The following USP39 variants were observed in gnomAD, a reference collection of about 807,000 sequenced individuals.
The protein encoded by USP39 is ubiquitin carboxyl-terminal hydrolase 39.
A neutral mutation model predicts 66.4 loss-of-function variants in USP39; 38 were observed. The ratio of observed to expected loss-of-function variants is 0.57; its 90% CI spans 0.44 to 0.75. The LOEUF (loss-of-function observed/expected upper bound fraction) is 0.75. Ranked by LOEUF, USP39 falls within the 30% of genes least tolerant of loss-of-function variation. USP39 has a pLI of 0.00. For missense variants in USP39, 608 were observed against 714.4 expected, an observed-to-expected ratio of 0.85 and a Z score of 1.70; for synonymous variants, 303 against 274.6, an observed-to-expected ratio of 1.10 and a Z score of -1.02.
At position 85,621,588 on chromosome 2, in the gene USP39, G is replaced by T; in HGVS notation, c.433+9G>T. 1.2e-6 allele frequency: 2 copies of T among 1,607,424 alleles called. No individual in the cohort carries two copies. Among genetic ancestry groups the T allele is most frequent in the Non-Finnish European group, 1.7e-6 (2 of 1,176,100 alleles). ...TGGCAAGTACTTTCAAGGTAAATAAGTTGTTAGAGCTAACTGCAGATCTGC... is the reference window on the plus strand; with the variant it reads ...TGGCAAGTACTTTCAAGGTAAATAATTTGTTAGAGCTAACTGCAGATCTGC... On this transcript the variant is annotated intron_variant, in intron 3 of 12. Transcript: ENST00000323701.
chr2:85,625,966 C>T lies in USP39; in HGVS notation c.723+275C>T, dbSNP rs1244016286. ...CCGGGAGGCAGAGGTTATAGTGACC[C>T]GAGATCGCGCCACTGCACTCCAGCC... On this transcript the variant is annotated intron_variant, in intron 5 of 12. Transcript: ENST00000323701. Among the ~76,000 whole-genome samples, 6 of 151,868 alleles carry T rather than the reference C, an allele frequency of 4.0e-5. No homozygotes were observed. In the East Asian group the frequency reaches 7.7e-4, roughly 20 times the overall value.
intron 3 of USP39, among the ~76,000 whole-genome samples, chr2:85,622,154 T>C (rs1674513944): frequency 6.8e-6 from 1 of 146,460 alleles, no homozygotes; most frequent in African/African-American, 2.5e-5. Flanking sequence ...GGAGTCTCAC[T>C]CTGTCACCCA....
chr2:85,624,602 T>G (rs918942990), intron 4 of USP39, among the ~76,000 whole-genome samples: 3 of 152,202 alleles, frequency 2.0e-5, no homozygotes, highest in Non-Finnish European at 4.4e-5. Flanking sequence ...TGGTATTTAG[T>G]CTTTGAAATA....
At chr2:85,616,184 C>T (rs761767760), upstream of USP39, 4 of 1,426,608 alleles carry the variant, frequency 2.8e-6, no homozygotes, top group Non-Finnish European at 3.7e-6. Context: ...GACGACTCGG[C>T]CGGTAGTGGA....
chr2:85,631,804 A>G (rs1220782846), intron 6 of USP39, among the ~76,000 whole-genome samples: 1 of 151,928 alleles, frequency 6.6e-6, no homozygotes, highest in African/African-American at 2.4e-5. Flanking sequence ...GCTGGAGTGC[A>G]GTGGTGTGAT....
chr2:85,616,678 CTTTTTTTT>C (rs4019533), intron 1 of USP39, among the ~76,000 whole-genome samples: 3 of 106,932 alleles, frequency 2.8e-5, no homozygotes, highest in Non-Finnish European at 3.8e-5. Flanking sequence ...TTTCTTTTTT[CTTTTTTTT>C]TTTTTTTTTG....
chr2:85,616,342 C>G lies in USP39; in HGVS notation c.147C>G (p.Arg49=). The change falls in exon 1 of 13, where the codon CGC becomes CGG. Residue 49 remains arginine (R), a synonymous_variant. Transcript: ENST00000323701. The stretch of plus-strand genomic sequence containing the variant: ...CGAGCTCCCGGGGCAGCCCTGTGCG[C>G]GTGAAGCGGGAGTTCGAGCCGGCGA... ...EAASSRGSPV[R]VKREFEPASA... is the part of the protein sequence containing the mutation. 6.2e-7 allele frequency: 1 copy of G among 1,601,240 alleles called. No homozygotes were observed. The highest frequency in any genetic ancestry group is 1.1e-5 in the South Asian group (1 of 89,440).
At chr2:85,637,587 T>C (rs34623563) in intron 8 of USP39, 151 bp downstream of exon 8, 172,701 of 763,148 alleles carry the variant, frequency 0.23, 21,529 homozygotes, top group Non-Finnish European at 0.26. Context: ...GCCTGGTCCC[T>C]GTCATACTAG....
At chr2:85,627,762 A>C (rs772856040) in intron 5 of USP39, among the ~76,000 whole-genome samples, 4 of 152,112 alleles carry the variant, frequency 2.6e-5, no homozygotes, top group Non-Finnish European at 5.9e-5. Flanking sequence ...AGGACTTTGA[A>C]AAGTGCAGGC....
At chr2:85,648,307 A>G (rs1311769339) in intron 12 of USP39, among the ~76,000 whole-genome samples, 1 of 152,136 alleles carries the variant, frequency 6.6e-6, no homozygotes, top group Non-Finnish European at 1.5e-5. Flanking sequence ...TTCGAGGAGG[A>G]AGAACCTAGA....
intron 11 of USP39, among the ~76,000 whole-genome samples, chr2:85,647,364 T>C (rs1483117931): frequency 1.3e-5 from 2 of 152,106 alleles, no homozygotes; most frequent in African/African-American, 4.8e-5. Context: ...TACAGAAGTG[T>C]TTCAGACTCC....
chr2:85,619,234 G>A lies in USP39; in HGVS notation c.283G>A (p.Val95Met), dbSNP rs1183224300. 4 of 1,613,766 alleles carry A rather than the reference G, an allele frequency of 2.5e-6. No homozygotes were observed. Among genetic ancestry groups the A allele is most frequent in the Non-Finnish European group, 3.4e-6 (4 of 1,179,988 alleles). Reference protein sequence around the residue: ...EREVRAKNGRVDSEDRRSRHC... With the variant: ...EREVRAKNGRMDSEDRRSRHC... ...TTTCCTTTCAGCAAAGAATGGCCGAGTGGATTCTGAGGACCGGAGGAGCCG... is the reference window on the plus strand; with the variant it reads ...TTTCCTTTCAGCAAAGAATGGCCGAATGGATTCTGAGGACCGGAGGAGCCG... Residue 95 changes from valine to methionine, a missense_variant, in exon 2 of 13, where the codon GTG (valine) becomes ATG (methionine). By Grantham distance (21) the Val-to-Met change is conservative (BLOSUM62 1). Coordinates refer to ENST00000323701, the MANE Select transcript of USP39 (RefSeq NM_006590.4).
At chr2:85,611,956 C>A (rs370381748), upstream of USP39, 110 of 1,561,474 alleles carry the variant, frequency 7.0e-5, no homozygotes, top group Non-Finnish European at 9.2e-5. Flanking sequence ...GCAGCAGTGC[C>A]CCGGCCGGGG....
At chr2:85,647,872 T>C in intron 11 of USP39, 58 bp from the exon 12 acceptor site, 1 of 1,540,934 alleles carries the variant, frequency 6.5e-7, no homozygotes, top group Non-Finnish European at 9.0e-7. Context: ...GATCCTTTCC[T>C]TCTACACCCT....
At chr2:85,614,150 A>G (rs994136335), upstream of USP39, among the ~76,000 whole-genome samples, 21 of 152,154 alleles carry the variant, frequency 1.4e-4, no homozygotes, top group African/African-American at 5.1e-4. Flanking sequence ...ACCCCAGCAG[A>G]GGGTTCTTGG....
At chr2:85,608,505 CT>C, upstream of USP39, 1 of 154,130 alleles carries the variant, frequency 6.5e-6, no homozygotes, top group South Asian at 2.0e-4. Flanking sequence ...GAAAAAAGGT[CT>C]ATAAACACAT....
chr2:85,647,370 A>T (rs1676720463), intron 11 of USP39, among the ~76,000 whole-genome samples: 1 of 151,240 alleles, frequency 6.6e-6, no homozygotes, highest in African/African-American at 2.4e-5. Context: ...AGTGTTTCAG[A>T]CTCCATTGTA....
rs1285992369 is a variant in USP39 at position 85,641,049 on chromosome 2, G to C, written c.1358G>C (p.Cys453Ser). The C allele has an allele frequency of 1.2e-6, 2 of 1,613,816 alleles. No homozygotes were observed. The highest frequency in any genetic ancestry group is 8.5e-7 in the Non-Finnish European group (1 of 1,179,930). The change falls in exon 10 of 13, where the codon TGT (cysteine) becomes TCT (serine). Residue 453 changes from cysteine (C) to serine (S), a missense_variant. Cys to Ser is a moderately radical substitution (Grantham distance 112). This residue lies in a region of USP39 where 164 missense variants were observed against 250.3 expected (regional missense o/e 0.66). Transcript: ENST00000323701. The stretch of plus-strand genomic sequence containing the variant: ...AAGTTGCCTCCATATCTAATCTTTT[G>C]TATCAAGAGATTCACTAAGAACAAC... ...LTKLPPYLIF[C>S]IKRFTKNNFF...
At chr2:85,603,589 CTTTTTCT>C (rs1157523005) in intron 1 of USP39, among the ~76,000 whole-genome samples, 1 of 150,590 alleles carries the variant, frequency 6.6e-6, no homozygotes, top group African/African-American at 2.4e-5. Flanking sequence ...TTTACTTTTT[CTTTTTCT>C]TTTTTTTTTT....
Sources: gnomAD v4.1 joint callset for allele counts (sites outside exome capture counted in the v4.1 genomes callset) on GRCh38, gnomAD v4.1.1 for gene constraint, gnomAD v4.1.1 regional missense constraint, MANE v1.5 for transcripts, NCBI Gene and HGNC (gene_info 2026-07-23, HGNC 2026-07-21) for gene names.